The following PLAC1 variants were observed in gnomAD, a reference collection of about 807,000 sequenced individuals.
The protein encoded by PLAC1 is placenta-specific protein 1.
For synonymous variants in PLAC1, 68 were observed against 62.1 expected, an observed-to-expected ratio of 1.09 and a Z score of -0.44; for missense variants, 136 against 163.2, an observed-to-expected ratio of 0.83 and a Z score of 0.91.
intron 2 of PLAC1, among the ~76,000 whole-genome samples, chrX:134,574,351 C>A (rs1477477449): frequency 8.9e-6 from 1 of 112,456 alleles, no homozygotes; most frequent in Non-Finnish European, 1.9e-5. Flanking sequence ...GAAATCACCA[C>A]CTGCCCCTGT....
chrX:134,696,743 G>A (rs1477372572), intron 2 of PLAC1, among the ~76,000 whole-genome samples: 1 of 111,376 alleles, frequency 9.0e-6, no homozygotes, highest in African/African-American at 3.3e-5. Flanking sequence ...GAAAATGTCT[G>A]TTTGGCCGGG....
chrX:134,727,290 C>G (rs1262705048), intron 2 of PLAC1, among the ~76,000 whole-genome samples: 1 of 112,142 alleles, frequency 8.9e-6, no homozygotes, highest in Non-Finnish European at 1.9e-5. Context: ...AAAAAGGGAG[C>G]CTTTAACGCC....
In PLAC1 at chrX:134,589,290, A is replaced by G. The variant is rs774395750; in HGVS notation, c.-59+12761T>C. Among the ~76,000 whole-genome samples, 3 of 110,649 alleles carry G rather than the reference A, an allele frequency of 2.7e-5. No individual in the cohort carries two copies. In the South Asian group the frequency reaches 1.1e-3, roughly 42 times the overall value. ...GGAAATCGTAATTTTTAGCTTGAGTAGCAAATGGTTCCATCAACCCCTGGG... is the reference window on the plus strand; with the variant it reads ...GGAAATCGTAATTTTTAGCTTGAGTGGCAAATGGTTCCATCAACCCCTGGG... On this transcript the variant is annotated intron_variant, in intron 2 of 2. Transcript: ENST00000359237.
chrX:134,742,531 T>C (rs2078719518), intron 1 of PLAC1, among the ~76,000 whole-genome samples: 1 of 109,531 alleles, frequency 9.1e-6, no homozygotes, highest in South Asian at 3.9e-4. Flanking sequence ...GAGGTTGCAG[T>C]GAGCAGAGAT....
At chrX:134,605,222 G>A (rs1221510609) in intron 1 of PLAC1, among the ~76,000 whole-genome samples, 1 of 111,549 alleles carries the variant, frequency 9.0e-6, no homozygotes, top group Non-Finnish European at 1.9e-5. Flanking sequence ...CTTAGGGAAG[G>A]AGAGGCCCCT....
intron 2 of PLAC1, among the ~76,000 whole-genome samples, chrX:134,688,525 C>A (rs1373431742): frequency 8.9e-6 from 1 of 112,265 alleles, no homozygotes; most frequent in East Asian, 2.8e-4. Context: ...TCCTTCTATG[C>A]ATTAAAGCTC....
At chrX:134,672,621 C>T (rs1209158444) in intron 2 of PLAC1, among the ~76,000 whole-genome samples, 3 of 112,193 alleles carry the variant, frequency 2.7e-5, no homozygotes, top group African/African-American at 9.7e-5. Context: ...ATATGAACCT[C>T]AATAAGAACT....
At chrX:134,695,030 T>C (rs901551921) in intron 2 of PLAC1, among the ~76,000 whole-genome samples, 1 of 112,120 alleles carries the variant, frequency 8.9e-6, no homozygotes, top group Non-Finnish European at 1.9e-5. Context: ...TGTACTCCAG[T>C]CTGATAGGAT....
At chrX:134,722,074 T>C (rs762477171) in intron 2 of PLAC1, among the ~76,000 whole-genome samples, 36 of 109,780 alleles carry the variant, frequency 3.3e-4, no homozygotes, top group African/African-American at 1.0e-3. Context: ...CCGAAAACCT[T>C]GTAAATCAAT....
chrX:134,679,215 A>C (rs1164017091), intron 2 of PLAC1, among the ~76,000 whole-genome samples: 1 of 111,975 alleles, frequency 8.9e-6, no homozygotes, highest in Non-Finnish European at 1.9e-5. Context: ...AATGAAGGCA[A>C]GAATGAGTTG....
chrX:134,635,808 G>A (rs1397497654), intron 1 of PLAC1, among the ~76,000 whole-genome samples: 1 of 112,159 alleles, frequency 8.9e-6, no homozygotes, highest in East Asian at 2.8e-4. Flanking sequence ...TTCTGAAGCT[G>A]TCCTTCAGCA....
At chrX:134,696,738 T>G (rs1412113008) in intron 2 of PLAC1, among the ~76,000 whole-genome samples, 1 of 111,259 alleles carries the variant, frequency 9.0e-6, no homozygotes, top group Admixed American at 9.6e-5. Flanking sequence ...GCTTTGAAAA[T>G]GTCTGTTTGG....
In PLAC1 at chrX:134,637,704, C is replaced by T. The variant is rs757935266; in HGVS notation, c.-131+20624G>A. 5.4e-5 allele frequency among the ~76,000 whole-genome samples: 6 copies of T among 111,226 alleles called. No individual in the cohort carries two copies. In the South Asian group the frequency reaches 1.9e-3, roughly 36 times the overall value. ...TTCTACTAAAAATACAAAAATTAGC[C>T]GGGCATGGTGACACATGCCTGTAAT... On this transcript the variant is annotated intron_variant, in intron 1 of 2. Coordinates refer to ENST00000359237, the MANE Select transcript of PLAC1 (RefSeq NM_021796.4).
At chrX:134,740,841 G>A (rs1049014671) in intron 1 of PLAC1, among the ~76,000 whole-genome samples, 2 of 111,877 alleles carry the variant, frequency 1.8e-5, no homozygotes, top group Non-Finnish European at 3.8e-5. Context: ...GGAGCCACTA[G>A]CTCCAGGAAG....
upstream of PLAC1, among the ~76,000 whole-genome samples, chrX:134,660,849 A>G (rs1389351217): frequency 8.9e-6 from 1 of 112,135 alleles, no homozygotes; most frequent in East Asian, 2.8e-4. Context: ...GCTAGTCCTC[A>G]TGAGAGGAGT....
chrX:134,595,782 T>C (rs886362957), intron 2 of PLAC1, among the ~76,000 whole-genome samples: 1 of 109,976 alleles, frequency 9.1e-6, no homozygotes, highest in African/African-American at 3.3e-5. Flanking sequence ...TCTTGTAGAG[T>C]ACATACTGTC....
At chrX:134,756,385 A>T in intron 1 of PLAC1, among the ~76,000 whole-genome samples, 1 of 105,741 alleles carries the variant, frequency 9.5e-6, no homozygotes, top group African/African-American at 3.4e-5. Flanking sequence ...ATATGGTTTT[A>T]TTTTTTATTT....
chrX:134,604,941 T>C (rs946711160), intron 1 of PLAC1, among the ~76,000 whole-genome samples: 3 of 111,817 alleles, frequency 2.7e-5, no homozygotes, highest in African/African-American at 9.8e-5. Flanking sequence ...TTCTAGAATC[T>C]TCTTGAGCTG....
intron 1 of PLAC1, among the ~76,000 whole-genome samples, chrX:134,634,428 G>A (rs752781351): frequency 1.8e-5 from 2 of 111,757 alleles, no homozygotes; most frequent in South Asian, 3.7e-4. Flanking sequence ...TAGTATGTTC[G>A]TGGAGTTCTG....
Sources: allele counts gnomAD v4.1 joint callset (sites outside exome capture counted in the v4.1 genomes callset), GRCh38; gene constraint gnomAD v4.1.1; transcripts MANE v1.5; gene names NCBI Gene and HGNC (gene_info 2026-07-23, HGNC 2026-07-21).